KCTD5: variants seen among roughly 807,000 people sequenced by gnomAD.
The protein encoded by KCTD5 is BTB/POZ domain-containing protein KCTD5.
KCTD5 carries 12 observed loss-of-function variants against 27.9 expected under a neutral mutation model. That is an observed-to-expected ratio of 0.43 (90% CI 0.28 to 0.70). The LOEUF (loss-of-function observed/expected upper bound fraction) is 0.70, where lower values mean the gene tolerates loss of function less well. Ranked by LOEUF, KCTD5 falls within the 30% of genes least tolerant of loss-of-function variation. The pLI, the probability that KCTD5 is intolerant of heterozygous loss-of-function variation, is 0.19. For synonymous variants in KCTD5, 147 were observed against 121.4 expected (o/e 1.21, Z -1.39); for missense variants, 226 against 274.8 (o/e 0.82, Z 1.26).
At chr16:2,698,893 C>T (rs1055440779) in intron 3 of KCTD5, among the ~76,000 whole-genome samples, 5 of 152,210 alleles carry the variant, frequency 3.3e-5, no homozygotes, top group Non-Finnish European at 5.9e-5. Flanking sequence ...GTTGTGTGAC[C>T]GGGCTGTGTG....
intron 1 of KCTD5, among the ~76,000 whole-genome samples, chr16:2,691,184 G>T (rs1028176801): frequency 1.3e-5 from 2 of 152,216 alleles, no homozygotes; most frequent in African/African-American, 4.8e-5. Context: ...ACTTCCTATG[G>T]ATGTGGAAAT....
At position 2,708,784 on chromosome 16, in the gene KCTD5, C is replaced by T. The variant is rs1352091620; in HGVS notation, c.*1457C>T. 6.6e-6 allele frequency: 1 copy of T among 152,220 alleles called. No individual in the cohort carries two copies. The allele number at this position is 152,220 out of a possible 1,614,324, so 9.4% of individuals were successfully genotyped here. A position where few individuals can be genotyped will look rare whatever the true frequency, so the allele number is the denominator to read the frequency against. On this transcript the variant is annotated 3_prime_UTR_variant, in exon 6 of 6. Transcript: ENST00000301738. ...CAGCAGAGCCTGGGAGGAAGGCGGC[C>T]GCTGGGGCTCCTGGGCATCCTCTCT... is the stretch of plus-strand genomic sequence containing the variant.
At chr16:2,702,669 C>A (rs1258816798) in intron 5 of KCTD5, among the ~76,000 whole-genome samples, 191 bp downstream of exon 5, 1 of 152,228 alleles carries the variant, frequency 6.6e-6, no homozygotes, top group Non-Finnish European at 1.5e-5. Flanking sequence ...TAAGCCCCTG[C>A]GGCCTCCCAG....
Position 2,682,638 on chromosome 16 carries a change from T to G in KCTD5, c.90T>G (p.Ala30=), listed in dbSNP as rs2067523186. The stretch of plus-strand genomic sequence containing the variant: ...GCGGCCTGTGCCGCCGCTGCAGCGC[T>G]GGGCTCGGCGCCCTGGCCCAGCGCC... ...LGGGLCRRCS[A]GLGALAQRPG... is the part of the protein sequence containing the mutation. The change falls in exon 1 of 6, where the codon GCT becomes GCG. Residue 30 remains alanine, a synonymous_variant. Transcript: ENST00000301738. The G allele has an allele frequency of 6.3e-7, 1 of 1,584,170 alleles. No homozygotes were observed. Among genetic ancestry groups the G allele is most frequent in the Non-Finnish European group, 8.6e-7 (1 of 1,168,224 alleles).
rs546497297 is a variant in KCTD5 at position 2,688,502 on chromosome 16, T to C, written c.252+5702T>C. Among the ~76,000 whole-genome samples, 288 of 152,126 alleles carry C rather than the reference T, an allele frequency of 1.9e-3. 1 individual carries two copies. The highest frequency in any genetic ancestry group is 6.8e-3 in the Middle Eastern group (2 of 294). ...CTGACCTCAGGTCATCCGCCCTCCT[T>C]GGCCTCCCAAAGTGCTGGGATTACA... On this transcript the variant is annotated intron_variant, in intron 1 of 5. Transcript: ENST00000301738.
chr16:2,686,690 T>TG (rs2067540609), intron 1 of KCTD5, among the ~76,000 whole-genome samples: 1 of 119,324 alleles, frequency 8.4e-6, no homozygotes, highest in Non-Finnish European at 1.7e-5. Flanking sequence ...GGGTTCCAGA[T>TG]GTGGTGGCAT....
At chr16:2,705,118 G>A (rs1258369940) in intron 5 of KCTD5, among the ~76,000 whole-genome samples, 6 of 152,200 alleles carry the variant, frequency 3.9e-5, no homozygotes, top group East Asian at 1.9e-4. Flanking sequence ...CCCCCACTGC[G>A]CGCTGCACGC....
At chr16:2,701,722 C>T (rs578031302) in intron 4 of KCTD5, among the ~76,000 whole-genome samples, 199 of 152,338 alleles carry the variant, frequency 1.3e-3, no homozygotes, top group Non-Finnish European at 2.1e-3. Context: ...TTGTGATTTG[C>T]GTATTGCCTT....
intron 4 of KCTD5, among the ~76,000 whole-genome samples, chr16:2,700,560 C>A (rs749492815): frequency 6.6e-6 from 1 of 152,184 alleles, no homozygotes; most frequent in African/African-American, 2.4e-5. Flanking sequence ...CCCTTGCCCA[C>A]GACCTGGCTG....
At chr16:2,687,028 GACC>G (rs1380219523) in intron 1 of KCTD5, among the ~76,000 whole-genome samples, 1 of 152,176 alleles carries the variant, frequency 6.6e-6, no homozygotes, top group African/African-American at 2.4e-5. Flanking sequence ...TCTTCGCTCT[GACC>G]ACAAGTCATC....
intron 5 of KCTD5, among the ~76,000 whole-genome samples, chr16:2,705,110 C>T (rs2067629667): frequency 6.6e-6 from 1 of 152,212 alleles, no homozygotes; most frequent in Non-Finnish European, 1.5e-5. Context: ...TGTCTTCTCC[C>T]CCACTGCGCG....
At chr16:2,682,940 C>T (rs1047529388) in intron 1 of KCTD5, 140 bp downstream of exon 1, 3 of 1,073,662 alleles carry the variant, frequency 2.8e-6, no homozygotes, top group Non-Finnish European at 3.8e-6. Flanking sequence ...TCCCTTGTCG[C>T]CAGCTCCTCC....
chr16:2,699,921 G>A lies in KCTD5; in HGVS notation c.549+5G>A, dbSNP rs2067603698. ...GACGGCTGGAAGTTCGAGCAGGTGAGGGGCCCTGGCCAGCCTGGTGGCAGC... is the reference window on the plus strand; with the variant it reads ...GACGGCTGGAAGTTCGAGCAGGTGAAGGGCCCTGGCCAGCCTGGTGGCAGC... On this transcript the variant is annotated splice_donor_5th_base_variant and intron_variant, in intron 4 of 5. Coordinates refer to ENST00000301738, the MANE Select transcript of KCTD5 (RefSeq NM_018992.4). 1 of 1,613,474 alleles carries A rather than the reference G, an allele frequency of 6.2e-7. No individual in the cohort carries two copies.
At chr16:2,691,533 C>T (rs941704788) in intron 1 of KCTD5, among the ~76,000 whole-genome samples, 3 of 152,136 alleles carry the variant, frequency 2.0e-5, no homozygotes, top group East Asian at 1.9e-4. Context: ...GCAGGCCCGG[C>T]GCGCCGAGTC....
chr16:2,699,945 G>T lies in KCTD5; in HGVS notation c.549+29G>T, dbSNP rs149981635. ...AGGGGCCCTGGCCAGCCTGGTGGCA[G>T]CCATGCTGCAGCTGAACTTGTGCTC... On this transcript the variant is annotated intron_variant, in intron 4 of 5. Transcript: ENST00000301738. 2.1e-5 allele frequency: 34 copies of T among 1,590,178 alleles called. No homozygotes were observed. In the East Asian group the frequency reaches 7.6e-4, roughly 36 times the overall value.
At chr16:2,705,715 C>T (rs1326452829) in intron 5 of KCTD5, among the ~76,000 whole-genome samples, 1 of 152,202 alleles carries the variant, frequency 6.6e-6, no homozygotes. Flanking sequence ...GCCTCAAGGG[C>T]CCCCTGGTTG....
At chr16:2,701,922 G>T (rs1015316283) in intron 4 of KCTD5, among the ~76,000 whole-genome samples, 3 of 152,078 alleles carry the variant, frequency 2.0e-5, no homozygotes, top group Non-Finnish European at 2.9e-5. Context: ...CGCCCTGGCC[G>T]AACTCCTGGA....
chr16:2,697,384 A>C (rs957118026), intron 2 of KCTD5: 2 of 154,420 alleles, frequency 1.3e-5, no homozygotes, highest in African/African-American at 4.8e-5. Flanking sequence ...TCAGCCAGCC[A>C]CAGTCTTCCC....
chr16:2,699,284 C>T (rs762982213), intron 3 of KCTD5: 2 of 451,336 alleles, frequency 4.4e-6, no homozygotes, highest in Admixed American at 4.7e-5. Flanking sequence ...CCACAGCTGC[C>T]TGGAGGGGCA....
Sources: gnomAD v4.1 joint callset for allele counts (sites outside exome capture counted in the v4.1 genomes callset) on GRCh38, gnomAD v4.1.1 for gene constraint, MANE v1.5 for transcripts, NCBI Gene and HGNC (gene_info 2026-07-23, HGNC 2026-07-21) for gene names.